ADGRE2: variants seen among roughly 807,000 people sequenced by gnomAD.
ADGRE2 encodes the protein CD97 antigen.
Under a neutral mutation model 100.8 loss-of-function variants are expected in ADGRE2, and 83 were observed. The observed-to-expected ratio is 0.82, with a 90% confidence interval of 0.69 to 0.99. ADGRE2 has a LOEUF of 0.99. Ranked by LOEUF, ADGRE2 falls within the 50% of genes least tolerant of loss-of-function variation. The probability of loss-of-function intolerance (pLI) is 0.00; values close to 1 mark genes in which losing one functional copy is unlikely to be tolerated. For missense variants in ADGRE2, 814 were observed against 1,035.7 expected (o/e 0.79, Z 2.94); for synonymous variants, 355 against 413.0 (o/e 0.86, Z 1.70).
At chr19:14,757,428 TGAA>T (rs1271283456) in intron 11 of ADGRE2, among the ~76,000 whole-genome samples, 4 of 149,614 alleles carry the variant, frequency 2.7e-5, no homozygotes, top group Non-Finnish European at 4.4e-5. Context: ...AAAACAATCT[TGAA>T]GAAGAACAAG....
At position 14,743,513 on chromosome 19, in the gene ADGRE2, C is replaced by T. The variant is rs2032185624; in HGVS notation, c.2370G>A (p.Gly790=). 3 of 1,614,102 alleles carry T rather than the reference C, an allele frequency of 1.9e-6. No homozygotes were observed. The highest frequency in any genetic ancestry group is 2.5e-6 in the Non-Finnish European group (3 of 1,179,972). Residue 790 remains glycine (G), a synonymous_variant, in exon 20 of 21, where the codon GGG becomes GGA. Coordinates refer to ENST00000315576, the MANE Select transcript of ADGRE2 (RefSeq NM_013447.4). ...ATTTCCTGATCCCTTTGGACCATTT[C>T]CCATATTGCTCCCGGACCTGCAGAG... is the stretch of plus-strand genomic sequence containing the variant. ...LLSQQVREQY[G]KWSKGIRKLK...
intron 11 of ADGRE2, among the ~76,000 whole-genome samples, chr19:14,759,454 G>A (rs1028731422): frequency 6.7e-6 from 1 of 150,270 alleles, no homozygotes; most frequent in East Asian, 1.9e-4. Flanking sequence ...TTAACAGGTA[G>A]AGACATACAG....
rs567606218 is a variant in ADGRE2, at chr19:14,773,304, T to C, written c.199+634A>G. Reference sequence around the variant, plus strand: ...CTTTTTCCTCCCTTCCTTCCTTCCTTCTTTCCTCCCTCCCTCCCTCCCTCC... The same window carrying C: ...CTTTTTCCTCCCTTCCTTCCTTCCTCCTTTCCTCCCTCCCTCCCTCCCTCC... On this transcript the variant is annotated intron_variant, in intron 4 of 20. Transcript: ENST00000315576. Among the ~76,000 whole-genome samples the C allele has an allele frequency of 1.2e-3, 173 of 145,984 alleles. 1 individual carries two copies. The highest frequency in any genetic ancestry group is 3.8e-3 in the African/African-American group (147 of 38,794).
At chr19:14,746,356 A>T in intron 17 of ADGRE2, 33 bp from the exon 18 acceptor site, 17 of 1,118,714 alleles carry the variant, frequency 1.5e-5, no homozygotes, top group Non-Finnish European at 2.1e-5. Context: ...TGTTGAATAG[A>T]TTTTGAAACC....
intron 20 of ADGRE2, chr19:14,742,136 A>G: frequency 2.5e-6 from 1 of 398,570 alleles, no homozygotes; most frequent in Non-Finnish European, 4.4e-6. Context: ...ATGGTTAATG[A>G]GTCAAGGAGT....
At chr19:14,762,046 T>C (rs2043745390) in intron 11 of ADGRE2, among the ~76,000 whole-genome samples, 1 of 152,184 alleles carries the variant, frequency 6.6e-6, no homozygotes, top group Non-Finnish European at 1.5e-5. Context: ...CATGAGGCAA[T>C]GAACCTCAGG....
At chr19:14,748,049 G>A (rs1171819599) in intron 16 of ADGRE2, among the ~76,000 whole-genome samples, 6 of 151,940 alleles carry the variant, frequency 3.9e-5, no homozygotes, top group Admixed American at 2.0e-4. Context: ...ATGTTGCGGC[G>A]GTTTGGTGTA....
At chr19:14,736,596 A>G (rs1229932932) in intron 20 of ADGRE2, among the ~76,000 whole-genome samples, 1 of 148,686 alleles carries the variant, frequency 6.7e-6, no homozygotes, top group Non-Finnish European at 1.5e-5. Flanking sequence ...ATTTAGAAAC[A>G]TAGATATATT....
Position 14,772,400 on chromosome 19 carries a change from T to C in ADGRE2, c.297A>G (p.Gly99=). 1 of 1,614,050 alleles carries C rather than the reference T, an allele frequency of 6.2e-7. No homozygotes were observed. The highest frequency in any genetic ancestry group is 8.5e-7 in the Non-Finnish European group (1 of 1,180,024). The change falls in exon 5 of 21, where the codon GGA becomes GGG. Residue 99 remains glycine, a synonymous_variant. Coordinates refer to ENST00000315576, the MANE Select transcript of ADGRE2 (RefSeq NM_013447.4). ...TTTTTGCCCCAGAAACAGGCTCATA[T>C]CCTGGGCTGCACACGCAGTCGTAGC... ...EGSYDCVCSP[G]YEPVSGAKTF...
intron 16 of ADGRE2, among the ~76,000 whole-genome samples, chr19:14,748,728 G>A (rs2043169922): frequency 6.6e-6 from 1 of 152,142 alleles, no homozygotes; most frequent in Non-Finnish European, 1.5e-5. Flanking sequence ...GAGGATTAGT[G>A]TTAATAGTTC....
Position 14,758,558 on chromosome 19 carries a change from T to TAAAC in ADGRE2, c.1085-2214_1085-2213insGTTT. ...GGATGTGGACACATAAGAAGTTAGT[T>TAAAC]TAAGAGTGGAGATTTAATAGGCGAA... On this transcript the variant is annotated intron_variant, in intron 11 of 20. Coordinates refer to ENST00000315576, the MANE Select transcript of ADGRE2 (RefSeq NM_013447.4). 2.0e-5 allele frequency among the ~76,000 whole-genome samples: 3 copies of TAAAC among 152,182 alleles called. No individual in the cohort carries two copies. The South Asian group carries it at 6.2e-4, about 32-fold the overall frequency.
At chr19:14,729,046 G>C (rs1309691626), downstream of ADGRE2, among the ~76,000 whole-genome samples, 3 of 152,198 alleles carry the variant, frequency 2.0e-5, no homozygotes, top group Non-Finnish European at 4.4e-5. Context: ...GTGGTTTTGA[G>C]GGGTGGAACG....
downstream of ADGRE2, among the ~76,000 whole-genome samples, chr19:14,730,508 C>T (rs2042661890): frequency 1.1e-5 from 1 of 94,268 alleles, no homozygotes; most frequent in South Asian, 3.3e-4. Context: ...CTTTCTCTAT[C>T]TCCTTTCTTT....
chr19:14,754,477 A>ATCATCTATCTG (rs2043417443), intron 14 of ADGRE2, among the ~76,000 whole-genome samples: 1 of 150,150 alleles, frequency 6.7e-6, no homozygotes, highest in African/African-American at 2.5e-5. Context: ...CTATCTATCT[A>ATCATCTATCTG]TCTATCTATC....
chr19:14,749,423 AT>A (rs1185427252), intron 16 of ADGRE2, among the ~76,000 whole-genome samples: 1 of 109,956 alleles, frequency 9.1e-6, no homozygotes, highest in Non-Finnish European at 2.1e-5. Context: ...TTATATAATT[AT>A]TTATAGTTAT....
chr19:14,764,039 C>A (rs2043855012), intron 11 of ADGRE2, among the ~76,000 whole-genome samples: 1 of 150,324 alleles, frequency 6.7e-6, no homozygotes. Context: ...TCCTTCTCTT[C>A]TTCTTCTTCT....
chr19:14,725,719 C>G, the ADGRE2 span, among the ~76,000 whole-genome samples: 2 of 152,230 alleles, frequency 1.3e-5, no homozygotes. Flanking sequence ...ACTCCATGTC[C>G]TGCGTCAAGA....
chr19:14,729,425 C>T (rs956370126), downstream of ADGRE2, among the ~76,000 whole-genome samples: 3 of 151,782 alleles, frequency 2.0e-5, no homozygotes, highest in African/African-American at 7.3e-5. Context: ...GTGGTGTGGT[C>T]ACAGCTCACT....
chr19:14,749,187 T>C (rs2043183564), intron 16 of ADGRE2, among the ~76,000 whole-genome samples: 1 of 100,174 alleles, frequency 1.0e-5, no homozygotes, highest in African/African-American at 4.9e-5. Context: ...TATAATTATA[T>C]AACCATATAA....
Sources: allele counts gnomAD v4.1 joint callset (sites outside exome capture counted in the v4.1 genomes callset), GRCh38; gene constraint gnomAD v4.1.1; transcripts MANE v1.5; gene names NCBI Gene and HGNC (gene_info 2026-07-23, HGNC 2026-07-21).